The following IL1RAPL1 variants were observed in gnomAD, a reference collection of about 807,000 sequenced individuals.
IL1RAPL1 encodes the protein interleukin 1 receptor accessory protein like 1.
Under a neutral mutation model 48.4 loss-of-function variants are expected in IL1RAPL1, and 3 were observed. The ratio of observed to expected loss-of-function variants is 0.06; its 90% CI spans 0.03 to 0.16. IL1RAPL1 has a LOEUF of 0.16. Ranked by LOEUF, IL1RAPL1 falls within the 10% of genes least tolerant of loss-of-function variation. The pLI is 1.00. For synonymous variants in IL1RAPL1, 185 were observed against 187.7 expected (o/e 0.99, Z 0.12); for missense variants, 349 against 530.6 (o/e 0.66, Z 3.36).
intron 1 of IL1RAPL1, among the ~76,000 whole-genome samples, chrX:28,733,009 G>A (rs1935773864): frequency 9.0e-6 from 1 of 110,944 alleles, no homozygotes; most frequent in Admixed American, 9.7e-5. Flanking sequence ...GGATCTTAAT[G>A]TTTATATGTC....
At chrX:28,960,025 A>G (rs186335909) in intron 2 of IL1RAPL1, among the ~76,000 whole-genome samples, 1 of 112,302 alleles carries the variant, frequency 8.9e-6, no homozygotes, top group Non-Finnish European at 1.9e-5. Context: ...AAGATAAAAG[A>G]TAGATAAAGA....
intron 2 of IL1RAPL1, among the ~76,000 whole-genome samples, chrX:28,894,088 G>T (rs899882781): frequency 8.9e-6 from 1 of 112,038 alleles, no homozygotes. Context: ...TTTGAGAAGC[G>T]TTTTTTTATT....
At chrX:29,338,692 T>C (rs1933031061) in intron 3 of IL1RAPL1, among the ~76,000 whole-genome samples, 1 of 111,161 alleles carries the variant, frequency 9.0e-6, no homozygotes. Context: ...TGTGTCACTC[T>C]CCCTCATCCC....
At chrX:29,620,024 G>A (rs1363459089) in intron 5 of IL1RAPL1, among the ~76,000 whole-genome samples, 1 of 111,424 alleles carries the variant, frequency 9.0e-6, no homozygotes. Flanking sequence ...CAAGCCTATT[G>A]GATATGGTGG....
chrX:29,353,937 T>C (rs1458871922), intron 3 of IL1RAPL1, among the ~76,000 whole-genome samples: 1 of 109,407 alleles, frequency 9.1e-6, no homozygotes, highest in Admixed American at 9.9e-5. Context: ...ATATAGTTTC[T>C]CATTGAATCC....
At chrX:29,138,954 G>A (rs1349490712) in intron 2 of IL1RAPL1, among the ~76,000 whole-genome samples, 3 of 111,646 alleles carry the variant, frequency 2.7e-5, no homozygotes, top group Non-Finnish European at 3.8e-5. Context: ...TAGAGGTGCT[G>A]TTTAAACACA....
intron 2 of IL1RAPL1, among the ~76,000 whole-genome samples, chrX:28,951,688 CA>C (rs962192966): frequency 1.8e-5 from 2 of 110,882 alleles, no homozygotes; most frequent in African/African-American, 6.5e-5. Context: ...TTTACAGCCC[CA>C]ATTAAATTCT....
At chrX:28,836,705 T>G (rs1353989210) in intron 2 of IL1RAPL1, among the ~76,000 whole-genome samples, 18 of 110,308 alleles carry the variant, frequency 1.6e-4, no homozygotes, top group Non-Finnish European at 3.4e-4. Flanking sequence ...AGTTTCCTAA[T>G]GCGGGATTTA....
intron 2 of IL1RAPL1, among the ~76,000 whole-genome samples, chrX:29,232,061 G>A (rs1192643923): frequency 1.8e-5 from 2 of 111,174 alleles, no homozygotes; most frequent in Non-Finnish European, 3.8e-5. Flanking sequence ...CTTAATGTCG[G>A]CTTTATGGTT....
intron 1 of IL1RAPL1, among the ~76,000 whole-genome samples, chrX:28,588,771 G>A (rs1490371052): frequency 8.9e-6 from 1 of 112,334 alleles, no homozygotes; most frequent in East Asian, 2.8e-4. Flanking sequence ...TATCACCACA[G>A]TGCTTTCTTT....
In IL1RAPL1 at chrX:29,954,602, C is replaced by G; in HGVS notation, c.1282C>G (p.Arg428Gly). 1.7e-6 allele frequency: 2 copies of G among 1,201,335 alleles called. No homozygotes were observed. Among genetic ancestry groups the G allele is most frequent in the Non-Finnish European group, 2.3e-6 (2 of 886,100 alleles). The change falls in exon 10 of 11, where the codon CGT (arginine) becomes GGT (glycine). Residue 428 changes from arginine (R) to glycine (G), a missense_variant. Arg to Gly is a moderately radical substitution (Grantham distance 125). Transcript: ENST00000378993. ...GAATCAAGAGACTGGGGAAGAAGAA[C>G]GTTTTGCCCTTGAAATCCTACCTGA... ...QWNQETGEEE[R>G]FALEILPDML... is the part of the protein sequence containing the mutation.
chrX:29,303,658 A>G (rs761427292), intron 3 of IL1RAPL1, among the ~76,000 whole-genome samples: 2 of 111,743 alleles, frequency 1.8e-5, no homozygotes, highest in Non-Finnish European at 1.9e-5. Flanking sequence ...AAGTGTCAGT[A>G]AGCCTTGTAC....
chrX:28,765,705 A>G (rs1255631285), intron 1 of IL1RAPL1, among the ~76,000 whole-genome samples: 2 of 111,074 alleles, frequency 1.8e-5, no homozygotes, highest in African/African-American at 6.5e-5. Context: ...ACACTGACTT[A>G]AAAAGATAAA....
At chrX:29,416,346 C>T (rs778837828) in intron 5 of IL1RAPL1, among the ~76,000 whole-genome samples, 2 of 110,935 alleles carry the variant, frequency 1.8e-5, no homozygotes, top group South Asian at 3.8e-4. Flanking sequence ...ATCAGGAGTT[C>T]GAGACATGGT....
intron 6 of IL1RAPL1, among the ~76,000 whole-genome samples, chrX:29,913,405 C>CACACACACACACACACACACACACACAT (rs1410153900): frequency 2.7e-5 from 3 of 109,548 alleles, no homozygotes; most frequent in African/African-American, 1.0e-4. Context: ...CACACACACA[C>CACACACACACACACACACACACACACAT]ATATATACAC....
chrX:29,159,145 T>C (rs964244998), intron 2 of IL1RAPL1, among the ~76,000 whole-genome samples: 1 of 109,722 alleles, frequency 9.1e-6, no homozygotes, highest in African/African-American at 3.3e-5. Context: ...CAGATTTATA[T>C]AAATAATATT....
chrX:29,768,629 G>A (rs938600543), intron 6 of IL1RAPL1, among the ~76,000 whole-genome samples: 2 of 111,235 alleles, frequency 1.8e-5, no homozygotes, highest in East Asian at 5.7e-4. Flanking sequence ...TTTACTTCGC[G>A]GTTTTATTTT....
intron 6 of IL1RAPL1, among the ~76,000 whole-genome samples, chrX:29,897,033 T>C (rs1932398234): frequency 8.9e-6 from 1 of 112,589 alleles, no homozygotes; most frequent in African/African-American, 3.2e-5. Context: ...ATACAATGCG[T>C]ACTTTCAGAG....
intron 5 of IL1RAPL1, among the ~76,000 whole-genome samples, chrX:29,572,128 C>T (rs140590955): frequency 0.01 from 1,146 of 111,800 alleles, 15 homozygotes; most frequent in African/African-American, 0.035. Flanking sequence ...ATTTTTGTTT[C>T]ATTTTTATTC....
Sources: allele counts gnomAD v4.1 joint callset (sites outside exome capture counted in the v4.1 genomes callset), GRCh38; gene constraint gnomAD v4.1.1; transcripts MANE v1.5; gene names NCBI Gene and HGNC (gene_info 2026-07-23, HGNC 2026-07-21).